The following CBY2 variants were observed in gnomAD, a reference collection of about 807,000 sequenced individuals.
The protein encoded by CBY2 is protein chibby homolog 2.
In CBY2, 23 loss-of-function variants were observed where a neutral mutation model predicts 25.3. The ratio of observed to expected loss-of-function variants is 0.91; its 90% CI spans 0.65 to 1.29. The LOEUF is 1.29. CBY2 is among the 50% of genes most tolerant of loss of function. The probability of loss-of-function intolerance (pLI) is 0.00; values close to 1 mark genes in which losing one functional copy is unlikely to be tolerated. For synonymous variants in CBY2, 279 were observed against 260.2 expected (o/e 1.07, Z -0.70); for missense variants, 642 against 590.7 (o/e 1.09, Z -0.90).
rs1309350796 is a variant in CBY2, at chr13:45,704,272, A to C, written c.156+1417A>C. 6.6e-6 allele frequency among the ~76,000 whole-genome samples: 1 copy of C among 152,150 alleles called. No individual in the cohort carries two copies. Among genetic ancestry groups the C allele is most frequent in the Non-Finnish European group, 1.5e-5 (1 of 68,026 alleles). On this transcript the variant is annotated intron_variant, in intron 2 of 2. Transcript: ENST00000310521. The surrounding 1 kb of genome is among the most constrained non-coding windows in gnomAD (Gnocchi z 4.1). The stretch of plus-strand genomic sequence containing the variant: ...CAAGGAGAAGAGAAGGTGGTTTAAG[A>C]CAGCTCAAGCTTGTCTTGGGGCTGC...
intron 2 of CBY2, among the ~76,000 whole-genome samples, chr13:45,706,744 G>A (rs1950241590): frequency 6.6e-6 from 1 of 152,096 alleles, no homozygotes; most frequent in East Asian, 1.9e-4. Context: ...TCTTGTCAAG[G>A]GCTAAAGGAT....
At chr13:45,703,859 G>A (rs1478474764) in intron 2 of CBY2, among the ~76,000 whole-genome samples, 1 of 152,114 alleles carries the variant, frequency 6.6e-6, no homozygotes, top group African/African-American at 2.4e-5. Flanking sequence ...ACAAGCTGTA[G>A]GAATCTTTTT....
intron 2 of CBY2, among the ~76,000 whole-genome samples, chr13:45,712,965 AT>A (rs1050109108): frequency 3.3e-5 from 5 of 152,344 alleles, no homozygotes; most frequent in African/African-American, 1.2e-4. Context: ...ATATTTGCTA[AT>A]TCAGTATTGG....
chr13:45,704,812 T>C lies in CBY2; in HGVS notation c.156+1957T>C, dbSNP rs1199563298. Among the ~76,000 whole-genome samples, 2 of 152,210 alleles carry C rather than the reference T, an allele frequency of 1.3e-5. No homozygotes were observed. The highest frequency in any genetic ancestry group is 2.9e-5 in the Non-Finnish European group (2 of 68,036). ...AAATCAGTGCCCATGTTCTCCGCTA[T>C]ACTAGGGCACATGCCAGTAAGCTGG... On this transcript the variant is annotated intron_variant, in intron 2 of 2. Transcript: ENST00000310521. The surrounding 1 kb of genome is among the most constrained non-coding windows in gnomAD (Gnocchi z 4.1).
Position 45,713,663 on chromosome 13 carries a change from G to C in CBY2, c.638G>C (p.Arg213Pro). The C allele has an allele frequency of 6.2e-7, 1 of 1,612,970 alleles. No individual in the cohort carries two copies. Among genetic ancestry groups the C allele is most frequent in the South Asian group, 1.1e-5 (1 of 91,080 alleles). Residue 213 changes from arginine (R) to proline (P), a missense_variant, in exon 3 of 3, where the codon CGG (arginine) becomes CCG (proline). Coordinates refer to ENST00000310521, the MANE Select transcript of CBY2 (RefSeq NM_152719.3). This position sits in a 1 kb window ranked among gnomAD's most constrained non-coding sequence, Gnocchi z 5.0. ...GCCTCGCTGGGCCGAGAGGAGAGCC[G>C]GGCCCCCTCGCCACTGCTGCACAAA... ...HKASLGREES[R>P]APSPLLHKDS...
intron 2 of CBY2, among the ~76,000 whole-genome samples, chr13:45,710,946 A>G (rs1166358175): frequency 6.6e-6 from 1 of 152,176 alleles, no homozygotes; most frequent in Non-Finnish European, 1.5e-5. Context: ...CTCTCTCTAC[A>G]TACACCCACA....
chr13:45,703,271 C>T (rs1950221468), intron 2 of CBY2: 1 of 1,313,350 alleles, frequency 7.6e-7, no homozygotes, highest in Non-Finnish European at 9.7e-7. Flanking sequence ...CATCCGTGGA[C>T]AAAGGGGTAC....
chr13:45,702,371 A>G lies in CBY2; in HGVS notation c.-20A>G, dbSNP rs778422398. 4 of 1,612,386 alleles carry G rather than the reference A, an allele frequency of 2.5e-6. No individual in the cohort carries two copies. The highest frequency in any genetic ancestry group is 2.7e-5 in the African/African-American group (2 of 74,892). On this transcript the variant is annotated 5_prime_UTR_variant, in exon 1 of 3. Transcript: ENST00000310521. ...TCAGAGAGAAACCATGAGCCCTGAA[A>G]AACACCATATTGTTTTGTGATGTCA...
At chr13:45,708,753 A>G (rs1285925058) in intron 2 of CBY2, among the ~76,000 whole-genome samples, 1 of 152,326 alleles carries the variant, frequency 6.6e-6, no homozygotes, top group South Asian at 2.1e-4. Context: ...AAATAAGTAT[A>G]TGACTACTGA....
rs1022025618 is a variant in CBY2, at chr13:45,714,442, T to G, written c.*70T>G. 14 of 1,333,626 alleles carry G rather than the reference T, an allele frequency of 1.0e-5. No individual in the cohort carries two copies. Among genetic ancestry groups the G allele is most frequent in the South Asian group, 7.3e-5 (5 of 68,686 alleles). 82.6% of individuals were successfully genotyped at this position (1,333,626 alleles called of 1,614,324 possible). On this transcript the variant is annotated 3_prime_UTR_variant, in exon 3 of 3. Coordinates refer to ENST00000310521, the MANE Select transcript of CBY2 (RefSeq NM_152719.3). ...CTGGGCAAAAGAGAATCCCCTGCCT[T>G]CCTTTGTCGTCCTCGCCTTCCCCAG...
rs754195711 is a variant in CBY2, at chr13:45,702,370, A to C, written c.-21A>C. 1 of 1,612,448 alleles carries C rather than the reference A, an allele frequency of 6.2e-7. No individual in the cohort carries two copies. Among genetic ancestry groups the C allele is most frequent in the African/African-American group, 1.3e-5 (1 of 75,016 alleles). On this transcript the variant is annotated 5_prime_UTR_variant, in exon 1 of 3. Transcript: ENST00000310521. ...CTCAGAGAGAAACCATGAGCCCTGAAAAACACCATATTGTTTTGTGATGTC... is the reference window on the plus strand; with the variant it reads ...CTCAGAGAGAAACCATGAGCCCTGACAAACACCATATTGTTTTGTGATGTC...
chr13:45,713,307 C>T lies in CBY2; in HGVS notation c.282C>T (p.Arg94=), dbSNP rs1950283225. 6.2e-7 allele frequency: 1 copy of T among 1,614,146 alleles called. No individual in the cohort carries two copies. Among genetic ancestry groups the T allele is most frequent in the Non-Finnish European group, 8.5e-7 (1 of 1,180,040 alleles). ...MASQHSYPLN[R]FSSVPLDPME... ...GCCAGCACTCCTATCCACTGAACCGCTTCTCCTCCGTGCCTTTAGACCCCA... is the reference window on the plus strand; with the variant it reads ...GCCAGCACTCCTATCCACTGAACCGTTTCTCCTCCGTGCCTTTAGACCCCA... The change falls in exon 3 of 3, where the codon CGC becomes CGT. Residue 94 remains arginine (R), a synonymous_variant. Transcript: ENST00000310521. The surrounding 1 kb of genome is among the most constrained non-coding windows in gnomAD (Gnocchi z 5.0).
rs200368143 is a variant in CBY2, at chr13:45,714,195, C to A, written c.1170C>A (p.His390Gln). Residue 390 changes from histidine to glutamine, a missense_variant, in exon 3 of 3, where the codon CAC becomes CAA. By Grantham distance (24) the His-to-Gln change is conservative (BLOSUM62 0). Transcript: ENST00000310521. ...CCCTGCAGGTGCTACGGGCAGAGCACAGGGGCTTCCAGGAGGAGAACAAGG... is the reference window on the plus strand; with the variant it reads ...CCCTGCAGGTGCTACGGGCAGAGCAAAGGGGCTTCCAGGAGGAGAACAAGG... ...NRTLQVLRAE[H>Q]RGFQEENKAL... is the part of the protein sequence containing the mutation. 6.2e-7 allele frequency: 1 copy of A among 1,612,194 alleles called. No individual in the cohort carries two copies. The highest frequency in any genetic ancestry group is 2.2e-5 in the East Asian group (1 of 44,822).
In CBY2 at chr13:45,713,552, G is replaced by A. The variant is rs755772552; in HGVS notation, c.527G>A (p.Arg176Gln). 5 of 1,614,032 alleles carry A rather than the reference G, an allele frequency of 3.1e-6. No individual in the cohort carries two copies. The highest frequency in any genetic ancestry group is 3.4e-6 in the Non-Finnish European group (4 of 1,179,984). Residue 176 changes from arginine (R) to glutamine (Q), a missense_variant, in exon 3 of 3, where the codon CGG becomes CAG. Physicochemically the swap from Arg to Gln is conservative, Grantham distance 43 (BLOSUM62 1). Coordinates refer to ENST00000310521, the MANE Select transcript of CBY2 (RefSeq NM_152719.3). The surrounding 1 kb of genome is among the most constrained non-coding windows in gnomAD (Gnocchi z 5.0). Reference sequence around the variant, plus strand: ...CTGCAGGAGGAGAACAAGTCTCTGCGGGAGGAGAACAAGGCCCTGCGCGAG... The same window carrying A: ...CTGCAGGAGGAGAACAAGTCTCTGCAGGAGGAGAACAAGGCCCTGCGCGAG... ...CMLQEENKSL[R>Q]EENKALREEN...
Position 45,702,463 on chromosome 13 carries a change from T to A in CBY2, c.73T>A (p.Leu25Met), listed in dbSNP as rs1225232337. The A allele has an allele frequency of 6.2e-7, 1 of 1,612,570 alleles. No individual in the cohort carries two copies. Among genetic ancestry groups the A allele is most frequent in the African/African-American group, 1.3e-5 (1 of 74,920 alleles). ...TAGGACCTATACCTGGCAACTCACA[T>A]TGGTATGGCTTTTTACTTGAGATAG... is the stretch of plus-strand genomic sequence containing the variant. ...LHRTYTWQLTLHSRPNYTRKR... is the reference protein window; with the variant it reads ...LHRTYTWQLTMHSRPNYTRKR... Residue 25 changes from leucine (L) to methionine (M), a missense_variant and splice_region_variant, in exon 1 of 3, where the codon TTG becomes ATG. Physicochemically the swap from Leu to Met is conservative, Grantham distance 15. Coordinates refer to ENST00000310521, the MANE Select transcript of CBY2 (RefSeq NM_152719.3).
chr13:45,710,568 C>T (rs894123707), intron 2 of CBY2, among the ~76,000 whole-genome samples: 1 of 152,132 alleles, frequency 6.6e-6, no homozygotes, highest in Non-Finnish European at 1.5e-5. Flanking sequence ...CACAACAAAA[C>T]ATTCACGTCT....
intron 2 of CBY2, chr13:45,703,330 G>T: frequency 7.1e-7 from 1 of 1,405,196 alleles, no homozygotes; most frequent in Non-Finnish European, 9.2e-7. Flanking sequence ...ATGCATCAAA[G>T]ACAGATGTAG....
intron 2 of CBY2, among the ~76,000 whole-genome samples, chr13:45,705,759 T>C (rs967769924): frequency 1.3e-5 from 2 of 152,222 alleles, no homozygotes; most frequent in African/African-American, 4.8e-5. Flanking sequence ...ATCAGTATCA[T>C]ATTTGGCTTT....
intron 2 of CBY2, among the ~76,000 whole-genome samples, chr13:45,708,482 G>T (rs560350406): frequency 5.3e-5 from 8 of 152,320 alleles, no homozygotes; most frequent in Admixed American, 3.9e-4. Flanking sequence ...AATGTTAGTT[G>T]ATTCACTGAC....
Sources: allele counts gnomAD v4.1 joint callset (sites outside exome capture counted in the v4.1 genomes callset), GRCh38; gene constraint gnomAD v4.1.1; non-coding constraint Gnocchi (gnomAD v3.1); transcripts MANE v1.5; gene names NCBI Gene and HGNC (gene_info 2026-07-23, HGNC 2026-07-21).